The following TEX2 variants were observed in gnomAD, a reference collection of about 807,000 sequenced individuals.
TEX2 encodes testis expressed 2.
TEX2 carries 53 observed loss-of-function variants against 106.9 expected under a neutral mutation model. That is an observed-to-expected ratio of 0.50 (90% confidence interval 0.40 to 0.62). The LOEUF (loss-of-function observed/expected upper bound fraction) is 0.62. Among genes scored for constraint, TEX2 ranks in the 20% least tolerant of loss-of-function variants. The pLI is 0.00. For synonymous variants in TEX2, 523 were observed against 534.8 expected, an observed-to-expected ratio of 0.98 and a Z score of 0.30; for missense variants, 1,207 against 1,379.0, an observed-to-expected ratio of 0.88 and a Z score of 1.98.
At chr17:64,164,074 ATTC>A (rs1385279357) in intron 7 of TEX2, among the ~76,000 whole-genome samples, 6 of 152,176 alleles carry the variant, frequency 3.9e-5, no homozygotes, top group African/African-American at 1.2e-4. Flanking sequence ...CGAAGGGTCT[ATTC>A]CACATCATGT....
intron 1 of TEX2, among the ~76,000 whole-genome samples, chr17:64,220,583 C>CA (rs527280292): frequency 4.8e-4 from 25 of 52,264 alleles, no homozygotes; most frequent in Non-Finnish European, 1.4e-4. Flanking sequence ...ATTTATGCAG[C>CA]AAAAAAAATA....
chr17:64,194,905 G>A lies in TEX2; in HGVS notation c.1835C>T (p.Ser612Leu), dbSNP rs758704999. The change falls in exon 3 of 12, where the codon TCA becomes TTA. Residue 612 changes from serine (S) to leucine (L), a missense_variant. By Grantham distance (145) the Ser-to-Leu change is moderately radical. Around this residue, in one of 3 missense-constraint regions of TEX2, gnomAD observed 1,067 missense variants for 1,193.6 expected, o/e 0.89. Transcript: ENST00000584379. ...TYISQKIYDL[S>L]DSKIYLVPKT... ...ATTGCTCAGGCTCACCTTGCTGTCT[G>A]AGAGGTCATAGATTTTCTGGCTGAT... is the stretch of plus-strand genomic sequence containing the variant. 1.2e-6 allele frequency: 2 copies of A among 1,614,094 alleles called. No homozygotes were observed. Among genetic ancestry groups the A allele is most frequent in the Non-Finnish European group, 1.7e-6 (2 of 1,179,960 alleles).
intron 1 of TEX2, among the ~76,000 whole-genome samples, chr17:64,233,986 C>G (rs1337357132): frequency 1.3e-5 from 2 of 152,186 alleles, no homozygotes. Context: ...AGCTGGCCCC[C>G]GCCAGGGCCT....
chr17:64,223,883 T>C (rs2033435110), intron 1 of TEX2, among the ~76,000 whole-genome samples: 1 of 152,116 alleles, frequency 6.6e-6, no homozygotes, highest in African/African-American at 2.4e-5. Flanking sequence ...ACCTGACTAA[T>C]GTTTTTTATT....
At chr17:64,162,081 T>C (rs1169062382) in intron 7 of TEX2, among the ~76,000 whole-genome samples, 2 of 152,150 alleles carry the variant, frequency 1.3e-5, no homozygotes, top group Non-Finnish European at 2.9e-5. Context: ...CTTTTTACCA[T>C]AATGGAAGGT....
chr17:64,195,125 T>G lies in TEX2; in HGVS notation c.1645-30A>C. 2 of 1,601,012 alleles carry G rather than the reference T, an allele frequency of 1.2e-6. No individual in the cohort carries two copies. The highest frequency in any genetic ancestry group is 1.7e-6 in the Non-Finnish European group (2 of 1,168,690). The stretch of plus-strand genomic sequence containing the variant: ...TGAAGAAAAACTTCCATTAGTAATA[T>G]CAGAATAATCGCAAATCTGATTTAG... On this transcript the variant is annotated intron_variant, in intron 2 of 11. Transcript: ENST00000584379. This position sits in a 1 kb window ranked among gnomAD's most constrained non-coding sequence, Gnocchi z 4.1.
At chr17:64,207,034 G>A (rs2032857049) in intron 2 of TEX2, among the ~76,000 whole-genome samples, 3 of 152,178 alleles carry the variant, frequency 2.0e-5, no homozygotes, top group Admixed American at 2.0e-4. Context: ...TATCACTGCT[G>A]CAGCATCATA....
intron 5 of TEX2, among the ~76,000 whole-genome samples, chr17:64,181,976 A>G (rs2031886481): frequency 6.6e-6 from 1 of 152,188 alleles, no homozygotes. Context: ...ACTTCTGGCT[A>G]TATACCCCAA....
chr17:64,149,245 CT>C, intron 11 of TEX2, 154 bp from the exon 12 acceptor site: 1 of 749,036 alleles, frequency 1.3e-6, no homozygotes, highest in Non-Finnish European at 2.1e-6. Context: ...ACCATACATA[CT>C]TTAGAAAGAG....
intron 1 of TEX2, among the ~76,000 whole-genome samples, chr17:64,223,828 G>A (rs1338929442): frequency 6.7e-6 from 1 of 148,652 alleles, no homozygotes; most frequent in Non-Finnish European, 1.5e-5. Flanking sequence ...CGATTCTCCT[G>A]CTTCAGCCTC....
In TEX2 at chr17:64,154,876, C is replaced by T. The variant is rs760485376; in HGVS notation, c.2896G>A (p.Gly966Arg). 2.5e-6 allele frequency: 4 copies of T among 1,608,836 alleles called. No homozygotes were observed. In the East Asian group the frequency reaches 6.8e-5, roughly 27 times the overall value. The stretch of plus-strand genomic sequence containing the variant: ...CCTGGGAGGAGCTGTTTGTCTCCCC[C>T]GCTGGGCTCTGGGGCATCGTCTTCC... ...SEEDDAPEPS[G>R]GDKQLLPGAE... Residue 966 changes from glycine to arginine, a missense_variant, in exon 9 of 12, where the codon GGG (glycine) becomes AGG (arginine). This residue lies in a region of TEX2 where 1,067 missense variants were observed against 1,193.6 expected (regional missense o/e 0.89). Coordinates refer to ENST00000584379, the MANE Select transcript of TEX2 (RefSeq NM_001288732.2).
At position 64,177,490 on chromosome 17, in the gene TEX2, C is replaced by G; in HGVS notation, c.2425-19G>C. Reference sequence around the variant, plus strand: ...CTGGCAACTGGCAAAAGAAAAGGGACCAAAATTAGCTAGAAAGCAACTGGA... The same window carrying G: ...CTGGCAACTGGCAAAAGAAAAGGGAGCAAAATTAGCTAGAAAGCAACTGGA... On this transcript the variant is annotated intron_variant, in intron 5 of 11. Transcript: ENST00000584379. The G allele has an allele frequency of 6.2e-7, 1 of 1,609,178 alleles. No individual in the cohort carries two copies. The highest frequency in any genetic ancestry group is 1.1e-5 in the South Asian group (1 of 90,510).
chr17:64,163,952 C>T (rs2031003075), intron 7 of TEX2, among the ~76,000 whole-genome samples: 1 of 152,198 alleles, frequency 6.6e-6, no homozygotes, highest in African/African-American at 2.4e-5. Flanking sequence ...CTGGCTGGTG[C>T]TCAAGAACAA....
At position 64,213,957 on chromosome 17, in the gene TEX2, G is replaced by T. The variant is rs1555632207; in HGVS notation, c.261C>A (p.Gly87=). ...CTGCCAGGACAGGCGAGGCAGCAGG[G>T]CCGGCGGGGTCATGGCCAACTTGGG... ...LEPQVGHDPA[G]PAASPVLADG... The change falls in exon 2 of 12, where the codon GGC becomes GGA. Residue 87 remains glycine (G), a synonymous_variant. Coordinates refer to ENST00000584379, the MANE Select transcript of TEX2 (RefSeq NM_001288732.2). The surrounding 1 kb of genome is among the most constrained non-coding windows in gnomAD (Gnocchi z 4.4). 1.9e-6 allele frequency: 3 copies of T among 1,614,192 alleles called. No individual in the cohort carries two copies. Among genetic ancestry groups the T allele is most frequent in the East Asian group, 2.2e-5 (1 of 44,882 alleles).
chr17:64,196,107 A>G (rs2032457569), intron 2 of TEX2, among the ~76,000 whole-genome samples: 1 of 152,222 alleles, frequency 6.6e-6, no homozygotes, highest in Non-Finnish European at 1.5e-5. Context: ...GTCTCACACT[A>G]AAGTCTTGAA....
chr17:64,252,486 G>C (rs1285370549), intron 1 of TEX2, among the ~76,000 whole-genome samples: 1 of 151,918 alleles, frequency 6.6e-6, no homozygotes, highest in African/African-American at 2.4e-5. Flanking sequence ...TAAATTTTTT[G>C]TAAAGAATTT....
chr17:64,161,782 C>T (rs1189490216), intron 7 of TEX2, among the ~76,000 whole-genome samples: 1 of 152,008 alleles, frequency 6.6e-6, no homozygotes, highest in Non-Finnish European at 1.5e-5. Flanking sequence ...AGACTCGGGG[C>T]TCCAGAAGAC....
At chr17:64,211,801 T>C (rs1489156097) in intron 2 of TEX2, among the ~76,000 whole-genome samples, 5 of 152,334 alleles carry the variant, frequency 3.3e-5, no homozygotes, top group African/African-American at 1.2e-4. Flanking sequence ...TGTACTTTTA[T>C]AGTGTGTATA....
intron 1 of TEX2, among the ~76,000 whole-genome samples, chr17:64,235,834 T>C (rs1299844409): frequency 1.3e-5 from 2 of 152,120 alleles, no homozygotes; most frequent in African/African-American, 4.8e-5. Flanking sequence ...CCTTTTTGAG[T>C]GCTATGGGAA....
Sources: gnomAD v4.1 joint callset for allele counts (sites outside exome capture counted in the v4.1 genomes callset) on GRCh38, gnomAD v4.1.1 for gene constraint, gnomAD v4.1.1 regional missense constraint, Gnocchi (gnomAD v3.1) non-coding constraint, MANE v1.5 for transcripts, NCBI Gene and HGNC (gene_info 2026-07-23, HGNC 2026-07-21) for gene names.